Variants in COL4A1 observed in about 807,000 individuals in gnomAD.
The protein encoded by COL4A1 is collagen alpha-1(IV) chain.
Under a neutral mutation model 216.6 loss-of-function variants are expected in COL4A1, and 40 were observed. The observed-to-expected ratio is 0.18, with a 90% CI of 0.14 to 0.24. COL4A1 has a LOEUF of 0.24. Among genes scored for constraint, COL4A1 ranks in the 10% least tolerant of loss-of-function variants. The pLI, the probability that COL4A1 is intolerant of heterozygous loss-of-function variation, is 1.00. For synonymous variants in COL4A1, 839 were observed against 810.7 expected (o/e 1.03, Z -0.59); for missense variants, 1,628 against 2,196.8 (o/e 0.74, Z 5.18).
chr13:110,285,569 C>A (rs1023276701), intron 1 of COL4A1, among the ~76,000 whole-genome samples: 1 of 152,192 alleles, frequency 6.6e-6, no homozygotes, highest in Non-Finnish European at 1.5e-5. Flanking sequence ...CTGGGTGGGT[C>A]TGTGAGGTGT....
At chr13:110,267,247 C>G (rs529175751) in intron 1 of COL4A1, among the ~76,000 whole-genome samples, 241 of 152,286 alleles carry the variant, frequency 1.6e-3, no homozygotes, top group African/African-American at 5.7e-3. Flanking sequence ...GTCCAGGGAG[C>G]CCCTGCATGA....
At chr13:110,216,769 T>C (rs1003469888) in intron 2 of COL4A1, among the ~76,000 whole-genome samples, 3 of 152,118 alleles carry the variant, frequency 2.0e-5, no homozygotes, top group Non-Finnish European at 4.4e-5. Flanking sequence ...CATCAAACAA[T>C]TCACCAACTT....
At chr13:110,169,491 G>A in intron 43 of COL4A1, 138 bp downstream of exon 43, 1 of 1,249,124 alleles carries the variant, frequency 8.0e-7, no homozygotes, top group South Asian at 1.5e-5. Flanking sequence ...GGGGATGTGG[G>A]AGTGTAACAC....
chr13:110,200,826 C>G, intron 20 of COL4A1, 28 bp downstream of exon 20: 3 of 1,610,818 alleles, frequency 1.9e-6, no homozygotes, highest in Middle Eastern at 1.7e-4. Context: ...TGCAAGTATG[C>G]TATAACAAAT....
At chr13:110,266,668 A>C (rs903952893) in intron 1 of COL4A1, among the ~76,000 whole-genome samples, 1 of 152,184 alleles carries the variant, frequency 6.6e-6, no homozygotes, top group African/African-American at 2.4e-5. Flanking sequence ...ACAATGTTAC[A>C]ATTCCTGAAC....
At position 110,208,806 on chromosome 13, in the gene COL4A1, G is replaced by A. The variant is rs1470652496; in HGVS notation, c.693+43C>T. The A allele has an allele frequency of 3.8e-6, 6 of 1,596,820 alleles. No individual in the cohort carries two copies. The South Asian group carries it at 5.5e-5, about 15-fold the overall frequency. Reference sequence around the variant, plus strand: ...AGGTGGGAACTGTCAGGTGAGGACTGTGGTTTTCAACATGAAAGCACTCCA... The same window carrying A: ...AGGTGGGAACTGTCAGGTGAGGACTATGGTTTTCAACATGAAAGCACTCCA... On this transcript the variant is annotated intron_variant, in intron 12 of 51. Coordinates refer to ENST00000375820, the MANE Select transcript of COL4A1 (RefSeq NM_001845.6).
chr13:110,228,592 C>A (rs952365425), intron 2 of COL4A1, among the ~76,000 whole-genome samples: 3 of 152,210 alleles, frequency 2.0e-5, no homozygotes, highest in Admixed American at 6.5e-5. Context: ...AACGATATAA[C>A]TTCCTAAAGG....
At chr13:110,262,306 C>T (rs1354610924) in intron 1 of COL4A1, among the ~76,000 whole-genome samples, 1 of 152,176 alleles carries the variant, frequency 6.6e-6, no homozygotes, top group Non-Finnish European at 1.5e-5. Flanking sequence ...AGGGCAGGAC[C>T]CAGCGCCCTC....
At chr13:110,250,897 G>A (rs1456292739) in intron 1 of COL4A1, among the ~76,000 whole-genome samples, 3 of 152,178 alleles carry the variant, frequency 2.0e-5, no homozygotes, top group Non-Finnish European at 2.9e-5. Flanking sequence ...GAGACATTTC[G>A]TTCTCTCAAT....
In COL4A1 at chr13:110,229,063, A is replaced by G. The variant is rs113437224; in HGVS notation, c.144+13612T>C. Among the ~76,000 whole-genome samples, 115 of 152,070 alleles carry G rather than the reference A, an allele frequency of 7.6e-4. No homozygotes were observed. In the Middle Eastern group the frequency reaches 0.017, roughly 22 times the overall value. On this transcript the variant is annotated intron_variant, in intron 2 of 51. Coordinates refer to ENST00000375820, the MANE Select transcript of COL4A1 (RefSeq NM_001845.6). ...GTGAAGAGACAGGGAGGATGAAGGCACATTGGCTCAATACTGCAGAGTCAC... is the reference window on the plus strand; with the variant it reads ...GTGAAGAGACAGGGAGGATGAAGGCGCATTGGCTCAATACTGCAGAGTCAC...
Position 110,256,593 on chromosome 13 carries a change from C to T in COL4A1, c.85-13859G>A, listed in dbSNP as rs1363243940. Among the ~76,000 whole-genome samples, 8 of 152,270 alleles carry T rather than the reference C, an allele frequency of 5.3e-5. No individual in the cohort carries two copies. In the East Asian group the frequency reaches 1.5e-3, roughly 29 times the overall value. On this transcript the variant is annotated intron_variant, in intron 1 of 51. Transcript: ENST00000375820. ...CCAAATATGGAAATGAGAACGTGCA[C>T]AGGGAGTTTGAAGAACATTGGGAAG... is the stretch of plus-strand genomic sequence containing the variant.
intron 21 of COL4A1, among the ~76,000 whole-genome samples, chr13:110,197,329 A>G (rs1878951783): frequency 6.6e-6 from 1 of 150,824 alleles, no homozygotes; most frequent in Admixed American, 6.6e-5. Context: ...CCCATGGAAT[A>G]CTTGCTCCAG....
At chr13:110,194,989 CA>C (rs775833150) in intron 22 of COL4A1, 33 bp downstream of exon 22, 2 of 1,584,956 alleles carry the variant, frequency 1.3e-6, no homozygotes, top group Non-Finnish European at 1.7e-6. Context: ...CGCAAAGACA[CA>C]ACCACCATTT....
At chr13:110,214,405 T>G (rs1879971280) in intron 2 of COL4A1, among the ~76,000 whole-genome samples, 1 of 152,072 alleles carries the variant, frequency 6.6e-6, no homozygotes, top group African/African-American at 2.4e-5. Context: ...TGCCTAATTT[T>G]AGGTGCCAAG....
chr13:110,195,584 T>G lies in COL4A1; in HGVS notation c.1286-466A>C, dbSNP rs958016687. Among the ~76,000 whole-genome samples, 21 of 152,344 alleles carry G rather than the reference T, an allele frequency of 1.4e-4. 1 individual carries two copies. The South Asian group carries it at 4.3e-3, about 32-fold the overall frequency. On this transcript the variant is annotated intron_variant, in intron 21 of 51. Coordinates refer to ENST00000375820, the MANE Select transcript of COL4A1 (RefSeq NM_001845.6). ...GCAAAACTAATCATTATTTTAGAGC[T>G]GCAGACTGCCCACGAGGAAATGCCT...
chr13:110,205,541 G>A lies in COL4A1; in HGVS notation c.859-3C>T, dbSNP rs2139196582. The A allele has an allele frequency of 1.2e-6, 2 of 1,613,714 alleles. No homozygotes were observed. Among genetic ancestry groups the A allele is most frequent in the Middle Eastern group, 1.6e-4 (1 of 6,062 alleles). On this transcript the variant is annotated splice_polypyrimidine_tract_variant and splice_region_variant and intron_variant, in intron 15 of 51. Coordinates refer to ENST00000375820, the MANE Select transcript of COL4A1 (RefSeq NM_001845.6). ...TCACCATCTTTTCCGGGTTTGCCCT[G>A]TAGAATAAAGATGTAAACGTTAGTA...
intron 50 of COL4A1, 50 bp downstream of exon 50, chr13:110,155,233 G>A (rs759619388): frequency 8.0e-6 from 11 of 1,370,914 alleles, no homozygotes; most frequent in African/African-American, 1.4e-5. Context: ...CGACTATGGG[G>A]CGTGAGTGGG....
intron 1 of COL4A1, among the ~76,000 whole-genome samples, chr13:110,276,033 G>A (rs1022828913): frequency 3.7e-5 from 5 of 134,198 alleles, no homozygotes; most frequent in African/African-American, 1.1e-4. Flanking sequence ...GTACAGCACC[G>A]AGAGTGAACC....
chr13:110,198,845 C>T (rs1240994338), intron 20 of COL4A1, among the ~76,000 whole-genome samples: 1 of 152,234 alleles, frequency 6.6e-6, no homozygotes, highest in Non-Finnish European at 1.5e-5. Context: ...CTTCAAAGAA[C>T]AGGGACTCAT....
Sources: allele counts gnomAD v4.1 joint callset (sites outside exome capture counted in the v4.1 genomes callset), GRCh38; gene constraint gnomAD v4.1.1; transcripts MANE v1.5; gene names NCBI Gene and HGNC (gene_info 2026-07-23, HGNC 2026-07-21).